The following TRAPPC4 variants were observed in gnomAD, a reference collection of about 807,000 sequenced individuals.
TRAPPC4 encodes TRS23 homolog.
TRAPPC4 carries 30 observed loss-of-function variants against 23.5 expected under a neutral mutation model. The observed-to-expected ratio is 1.28, with a 90% CI of 0.96 to 1.73. The LOEUF (loss-of-function observed/expected upper bound fraction) is 1.73, where lower values mean the gene tolerates loss of function less well. Among genes scored for constraint, TRAPPC4 ranks in the 40% most tolerant of loss-of-function variants. The pLI, the probability that TRAPPC4 is intolerant of heterozygous loss-of-function variation, is 0.00. For missense variants in TRAPPC4, 252 were observed against 268.9 expected, an observed-to-expected ratio of 0.94 and a Z score of 0.44; for synonymous variants, 129 against 105.3, an observed-to-expected ratio of 1.23 and a Z score of -1.38.
At chr11:119,019,481 A>G in intron 2 of TRAPPC4, 164 bp downstream of exon 2, 1 of 737,008 alleles carries the variant, frequency 1.4e-6, no homozygotes, top group South Asian at 1.9e-5. Context: ...CCGCGGAGTT[A>G]CCCAGGCTGG....
intron 3 of TRAPPC4, chr11:119,021,119 C>T (rs1247311923): frequency 6.6e-6 from 1 of 152,290 alleles, no homozygotes; most frequent in African/African-American, 2.4e-5. Flanking sequence ...GAACTCCTGA[C>T]CTCAGGTGAT....
chr11:119,019,106 G>C (rs1160341302), intron 1 of TRAPPC4, 37 bp from the exon 2 acceptor site: 1 of 1,604,846 alleles, frequency 6.2e-7, no homozygotes, highest in Admixed American at 1.7e-5. Flanking sequence ...GAATCCCCGG[G>C]CTGCACCTTC....
intron 3 of TRAPPC4, 150 bp downstream of exon 3, chr11:119,020,403 G>A: frequency 1.6e-6 from 1 of 607,542 alleles, no homozygotes; most frequent in Non-Finnish European, 2.9e-6. Flanking sequence ...AGCAAGAAGA[G>A]GGGGTGTGCT....
At chr11:119,020,316 G>A (rs782788395) in intron 3 of TRAPPC4, 63 bp downstream of exon 3, 22 of 1,373,632 alleles carry the variant, frequency 1.6e-5, no homozygotes, top group Non-Finnish European at 2.2e-5. Flanking sequence ...ATACTGATAA[G>A]TTTGCATCTC....
intron 4 of TRAPPC4, among the ~76,000 whole-genome samples, chr11:119,022,377 G>A (rs888446636): frequency 6.6e-6 from 1 of 151,886 alleles, no homozygotes; most frequent in Non-Finnish European, 1.5e-5. Context: ...GATCACTTCA[G>A]CCCAGGAGTT....
At chr11:119,020,950 G>C (rs1479450505) in intron 3 of TRAPPC4, 2 of 150,262 alleles carry the variant, frequency 1.3e-5, no homozygotes, top group Non-Finnish European at 3.0e-5. Context: ...GTGCAGTGGC[G>C]CGATGTTGGC....
chr11:119,021,648 T>G, intron 3 of TRAPPC4, 112 bp from the exon 4 acceptor site: 3 of 1,171,334 alleles, frequency 2.6e-6, no homozygotes, highest in East Asian at 5.0e-5. Context: ...AGAATAAAAT[T>G]AAAATAGGCT....
Position 119,020,166 on chromosome 11 carries a change from T to A in TRAPPC4, c.367T>A (p.Ser123Thr), listed in dbSNP as rs1271165209. 3 of 1,613,876 alleles carry A rather than the reference T, an allele frequency of 1.9e-6. No individual in the cohort carries two copies. The highest frequency in any genetic ancestry group is 2.2e-5 in the East Asian group (1 of 44,884). ...TGCATATAGGCTCTTTGCCATCGGC[T>A]CCCAGCTGTCTCCTGAACAGGGAAG... ...SMFHSLFAIG[S>T]QLSPEQGSSG... The change falls in exon 3 of 5, where the codon TCC becomes ACC. Residue 123 changes from serine (S) to threonine (T), a missense_variant. By Grantham distance (58) the Ser-to-Thr change is moderately conservative. Transcript: ENST00000533632.
At chr11:119,022,313 A>C (rs7127188) in intron 4 of TRAPPC4, among the ~76,000 whole-genome samples, 39,093 of 151,976 alleles carry the variant, frequency 0.26, 5,461 homozygotes, top group African/African-American at 0.36. Flanking sequence ...GACACAAGGA[A>C]AGGCCGGTGG....
chr11:119,019,935 T>C, intron 2 of TRAPPC4: 1 of 478,282 alleles, frequency 2.1e-6, no homozygotes. Context: ...TTACCCAAAG[T>C]TTTAGATGTA....
intron 3 of TRAPPC4, 105 bp downstream of exon 3, chr11:119,020,358 T>G (rs1373040250): frequency 6.8e-6 from 6 of 881,946 alleles, no homozygotes; most frequent in Non-Finnish European, 1.1e-5. Flanking sequence ...GTGGAGAAGG[T>G]GGGAGGAGGG....
At chr11:119,023,201 C>A in intron 4 of TRAPPC4, 120 bp from the exon 5 acceptor site, 1 of 902,376 alleles carries the variant, frequency 1.1e-6, no homozygotes, top group Non-Finnish European at 1.8e-6. Flanking sequence ...CTGACCTCAG[C>A]TGATCCGCCC....
At chr11:119,019,433 G>A in intron 2 of TRAPPC4, 116 bp downstream of exon 2, 1 of 1,150,896 alleles carries the variant, frequency 8.7e-7, no homozygotes, top group Non-Finnish European at 1.2e-6. Flanking sequence ...AGGTAATAAC[G>A]GCAGTGGTGT....
rs781798526 is a variant in TRAPPC4, at chr11:119,019,298, C to T, written c.331C>T (p.Leu111=). ...PRLTSNEKLM[L]ASMFHSLFAI... is the part of the protein sequence containing the mutation. ...CCTCACTTCTAATGAGAAGCTTATG[C>T]TGGCCTCCATGTTCCACTCGTAAGT... is the stretch of plus-strand genomic sequence containing the variant. The change falls in exon 2 of 5, where the codon CTG becomes TTG. Residue 111 remains leucine (L), a synonymous_variant. Coordinates refer to ENST00000533632, the MANE Select transcript of TRAPPC4 (RefSeq NM_016146.6). 5.6e-6 allele frequency: 9 copies of T among 1,614,080 alleles called. No individual in the cohort carries two copies. Among genetic ancestry groups the T allele is most frequent in the East Asian group, 2.2e-5 (1 of 44,886 alleles).
intron 4 of TRAPPC4, among the ~76,000 whole-genome samples, chr11:119,022,094 C>G (rs1943375823): frequency 6.6e-6 from 1 of 152,188 alleles, no homozygotes; most frequent in Non-Finnish European, 1.5e-5. Context: ...AAGCGATTCT[C>G]CTGGCTCAGC....
At position 119,023,917 on chromosome 11, in the gene TRAPPC4, CAT is replaced by C. The variant is rs1943470627; in HGVS notation, c.*521_*522del. ...TGTTATGATGATGATGATGATGGAA[CAT>C]ATTTCAAGCACTTACAGCCAGGCAT... On this transcript the variant is annotated 3_prime_UTR_variant, in exon 5 of 5. Transcript: ENST00000533632. 6.5e-6 allele frequency: 1 copy of C among 153,092 alleles called. No individual in the cohort carries two copies. Among genetic ancestry groups the C allele is most frequent in the Non-Finnish European group, 1.5e-5 (1 of 68,694 alleles). The allele number at this position is 153,092 out of a possible 1,614,324, so 9.5% of individuals were successfully genotyped here.
intron 3 of TRAPPC4, chr11:119,021,301 T>C (rs1943352507): frequency 6.5e-6 from 1 of 154,886 alleles, no homozygotes. Context: ...GCAGAGGTTA[T>C]CTTGTGTTCA....
rs1454008506 is a variant in TRAPPC4, at chr11:119,023,891, C to CTGT, written c.*494_*496dup. On this transcript the variant is annotated 3_prime_UTR_variant, in exon 5 of 5. Transcript: ENST00000533632. ...GGGGTGGTGGCAGCAGTGGTGGTGG[C>CTGT]TGTTATGATGATGATGATGATGGAA... is the stretch of plus-strand genomic sequence containing the variant. 1.9e-5 allele frequency: 3 copies of CTGT among 154,134 alleles called. No homozygotes were observed. The highest frequency in any genetic ancestry group is 6.4e-5 in the Admixed American group (1 of 15,646). The allele number at this position is 154,134 out of a possible 1,614,324, so 9.5% of individuals were successfully genotyped here. A position where few individuals can be genotyped will look rare whatever the true frequency, so the allele number is the denominator to read the frequency against.
Position 119,018,981 on chromosome 11 carries a change from C to T in TRAPPC4, c.175+11C>T. The T allele has an allele frequency of 1.2e-6, 2 of 1,609,082 alleles. No homozygotes were observed. Among genetic ancestry groups the T allele is most frequent in the African/African-American group, 1.3e-5 (1 of 74,980 alleles). On this transcript the variant is annotated intron_variant, in intron 1 of 4. Coordinates refer to ENST00000533632, the MANE Select transcript of TRAPPC4 (RefSeq NM_016146.6). ...GGGACGGCATCCGAGGTGGGCTAGGCTCGGGCCCGTGGCGGGTGCGGGGGT... is the reference window on the plus strand; with the variant it reads ...GGGACGGCATCCGAGGTGGGCTAGGTTCGGGCCCGTGGCGGGTGCGGGGGT...
Sources: allele counts gnomAD v4.1 joint callset (sites outside exome capture counted in the v4.1 genomes callset), GRCh38; gene constraint gnomAD v4.1.1; transcripts MANE v1.5; gene names NCBI Gene and HGNC (gene_info 2026-07-23, HGNC 2026-07-21).